Variants in SLCO3A1 observed in about 807,000 individuals in gnomAD.
SLCO3A1 encodes the protein solute carrier organic anion transporter family member 3A1.
In SLCO3A1, 27 loss-of-function variants were observed where a neutral mutation model predicts 63.1. The ratio of observed to expected loss-of-function variants is 0.43; its 90% CI spans 0.32 to 0.59. The LOEUF (loss-of-function observed/expected upper bound fraction) is 0.59, where lower values mean the gene tolerates loss of function less well. Ranked by LOEUF, SLCO3A1 falls within the 20% of genes least tolerant of loss-of-function variation. The pLI, the probability that SLCO3A1 is intolerant of heterozygous loss-of-function variation, is 0.09. For missense variants in SLCO3A1, 773 were observed against 945.8 expected (o/e 0.82, Z 2.40); for synonymous variants, 473 against 409.9 (o/e 1.15, Z -1.86).
intron 2 of SLCO3A1, among the ~76,000 whole-genome samples, chr15:92,001,093 T>A (rs772588080): frequency 6.6e-6 from 1 of 152,014 alleles, no homozygotes; most frequent in Non-Finnish European, 1.5e-5. Context: ...CATTCATTTC[T>A]AAGACATAAC....
intron 2 of SLCO3A1, among the ~76,000 whole-genome samples, chr15:91,963,015 C>T (rs538748686): frequency 6.6e-6 from 1 of 152,254 alleles, no homozygotes; most frequent in Non-Finnish European, 1.5e-5. Context: ...TCCTGAAGAC[C>T]TTCCTCTGGA....
At chr15:91,959,251 T>A (rs1477105905) in intron 2 of SLCO3A1, among the ~76,000 whole-genome samples, 1 of 151,810 alleles carries the variant, frequency 6.6e-6, no homozygotes, top group Non-Finnish European at 1.5e-5. Flanking sequence ...TAGAGAGATA[T>A]AATGGACTCT....
intron 8 of SLCO3A1, among the ~76,000 whole-genome samples, chr15:92,148,438 C>A (rs62008655): frequency 4.6e-5 from 7 of 152,060 alleles, no homozygotes; most frequent in Non-Finnish European, 1.0e-4. Context: ...CTAATGTTAC[C>A]TAGAACGTCA....
intron 2 of SLCO3A1, among the ~76,000 whole-genome samples, chr15:91,999,094 C>T (rs191239419): frequency 6.6e-6 from 1 of 152,216 alleles, no homozygotes; most frequent in East Asian, 1.9e-4. Flanking sequence ...ATTGGGTACT[C>T]GTGGACGTAA....
At chr15:91,999,340 T>C (rs537109574) in intron 2 of SLCO3A1, among the ~76,000 whole-genome samples, 1 of 152,310 alleles carries the variant, frequency 6.6e-6, no homozygotes, top group Non-Finnish European at 1.5e-5. Context: ...ACAGAAGATT[T>C]GTGCTACACA....
At chr15:92,055,279 C>T (rs2047008358) in intron 2 of SLCO3A1, among the ~76,000 whole-genome samples, 2 of 152,072 alleles carry the variant, frequency 1.3e-5, no homozygotes. Context: ...CTGTTGCCCA[C>T]TTTTTAATGG....
intron 2 of SLCO3A1, among the ~76,000 whole-genome samples, chr15:92,010,365 A>G (rs1018029058): frequency 6.6e-6 from 1 of 152,198 alleles, no homozygotes; most frequent in African/African-American, 2.4e-5. Flanking sequence ...TAAAGCCCCT[A>G]GGCAGTTCTG....
chr15:91,953,655 T>A (rs1303902331), intron 2 of SLCO3A1, among the ~76,000 whole-genome samples: 2 of 152,032 alleles, frequency 1.3e-5, no homozygotes, highest in African/African-American at 4.8e-5. Flanking sequence ...GTGGGGAAAG[T>A]GAGGTTGGCA....
chr15:91,991,064 GT>G (rs149962376), intron 2 of SLCO3A1, among the ~76,000 whole-genome samples: 1,877 of 152,270 alleles, frequency 0.012, 42 homozygotes, highest in African/African-American at 0.043. Context: ...TGCAGGGTAT[GT>G]TTGTTTTTAA....
intron 1 of SLCO3A1, among the ~76,000 whole-genome samples, chr15:91,899,224 T>C (rs956554343): frequency 3.9e-5 from 6 of 152,200 alleles, no homozygotes; most frequent in African/African-American, 1.2e-4. Flanking sequence ...ACCTCTGATG[T>C]AGAACAGGGA....
chr15:91,897,526 A>T lies in SLCO3A1; in HGVS notation c.181-18467A>T, dbSNP rs4932514. ...ACTAATGTCCTATCCTGGTTTTTAA[A>T]TTTCTTTGGATCAAAATAAAAAACT... is the stretch of plus-strand genomic sequence containing the variant. On this transcript the variant is annotated intron_variant, in intron 1 of 9. Transcript: ENST00000318445. This position sits in a 1 kb window ranked among gnomAD's most constrained non-coding sequence, Gnocchi z 4.7. Among the ~76,000 whole-genome samples the T allele has an allele frequency of 6.6e-6, 1 of 152,002 alleles. No homozygotes were observed. Among genetic ancestry groups the T allele is most frequent in the African/African-American group, 2.4e-5 (1 of 41,400 alleles).
chr15:91,975,472 C>T (rs942313154), intron 2 of SLCO3A1, among the ~76,000 whole-genome samples: 5 of 152,230 alleles, frequency 3.3e-5, no homozygotes, highest in African/African-American at 1.2e-4. Flanking sequence ...GGATTAGCCA[C>T]AGACTGAGTC....
intron 2 of SLCO3A1, among the ~76,000 whole-genome samples, chr15:91,994,961 T>C (rs904199523): frequency 3.3e-5 from 5 of 152,226 alleles, no homozygotes; most frequent in African/African-American, 1.2e-4. Flanking sequence ...GACTCCTGTC[T>C]GGGACCCTGC....
intron 2 of SLCO3A1, among the ~76,000 whole-genome samples, chr15:92,022,117 T>A (rs796843750): frequency 6.6e-6 from 1 of 152,200 alleles, no homozygotes; most frequent in African/African-American, 2.4e-5. Flanking sequence ...TTAGGGGAGA[T>A]AAAACATCAG....
In SLCO3A1 at chr15:92,164,753, T is replaced by C. The variant is rs1475757427; in HGVS notation, c.*1618T>C. The C allele has an allele frequency of 3.0e-6, 3 of 985,410 alleles. No individual in the cohort carries two copies. Among genetic ancestry groups the C allele is most frequent in the Non-Finnish European group, 3.6e-6 (3 of 829,936 alleles). The allele number at this position is 985,410 out of a possible 1,614,324, so 61.0% of individuals were successfully genotyped here. A position where few individuals can be genotyped will look rare whatever the true frequency, so the allele number is the denominator to read the frequency against. ...TTGAAGGTGGGTGAACCTCAGAGAA[T>C]GAACCTGTTATGATTTGGGGTAAGA... On this transcript the variant is annotated 3_prime_UTR_variant, in exon 10 of 10. Coordinates refer to ENST00000318445, the MANE Select transcript of SLCO3A1 (RefSeq NM_013272.4).
intron 2 of SLCO3A1, among the ~76,000 whole-genome samples, chr15:92,070,718 G>A (rs567096516): frequency 6.6e-6 from 1 of 152,116 alleles, no homozygotes; most frequent in East Asian, 1.9e-4. Flanking sequence ...AAGGATGGAG[G>A]AGTGGGAGGG....
chr15:92,146,203 C>T (rs935261131), intron 7 of SLCO3A1, among the ~76,000 whole-genome samples: 2 of 152,200 alleles, frequency 1.3e-5, no homozygotes, highest in Non-Finnish European at 2.9e-5. Flanking sequence ...CTCCCAGCCC[C>T]TGCTCCTCCC....
chr15:92,048,185 A>G (rs939681941), intron 2 of SLCO3A1, among the ~76,000 whole-genome samples: 1 of 152,026 alleles, frequency 6.6e-6, no homozygotes, highest in African/African-American at 2.4e-5. Flanking sequence ...ATCTCATTGT[A>G]GCACCCACAT....
intron 2 of SLCO3A1, among the ~76,000 whole-genome samples, chr15:92,011,648 G>A (rs956052258): frequency 2.0e-5 from 3 of 152,142 alleles, no homozygotes; most frequent in South Asian, 2.1e-4. Flanking sequence ...ATCAGTGCCT[G>A]CCCTGTGATG....
Sources: allele counts gnomAD v4.1 joint callset (sites outside exome capture counted in the v4.1 genomes callset), GRCh38; gene constraint gnomAD v4.1.1; non-coding constraint Gnocchi (gnomAD v3.1); transcripts MANE v1.5; gene names NCBI Gene and HGNC (gene_info 2026-07-23, HGNC 2026-07-21).